MED16: variants seen among roughly 807,000 people sequenced by gnomAD.
MED16 encodes mediator of RNA polymerase II transcription subunit 16.
Under a neutral mutation model 84.4 loss-of-function variants are expected in MED16, and 81 were observed. The observed-to-expected ratio is 0.96, with a 90% confidence interval of 0.80 to 1.15. MED16 has a LOEUF of 1.15. Ranked by LOEUF, MED16 falls within the 50% of genes most tolerant of loss-of-function variation. The pLI is 0.00. For missense variants in MED16, 1,585 were observed against 1,245.9 expected (o/e 1.27, Z -4.10); for synonymous variants, 897 against 552.2 (o/e 1.62, Z -8.76).
chr19:891,141 C>A lies in MED16; in HGVS notation c.-10G>T. On this transcript the variant is annotated 5_prime_UTR_variant, in exon 2 of 16. Transcript: ENST00000325464. ...GCCGCAAATCACACATGAGGGCAGT[C>A]ACCAGCTCCTGCGGGAGGGAGGTGT... is the stretch of plus-strand genomic sequence containing the variant. 2 of 1,608,812 alleles carry A rather than the reference C, an allele frequency of 1.2e-6. No homozygotes were observed. Among genetic ancestry groups the A allele is most frequent in the South Asian group, 2.2e-5 (2 of 90,472 alleles).
chr19:871,713 T>C (rs2036063578), intron 12 of MED16: 2 of 1,246,970 alleles, frequency 1.6e-6, no homozygotes, highest in African/African-American at 1.8e-5. Flanking sequence ...TGCAGGGGCT[T>C]ATGTTCTGGC....
intron 6 of MED16, among the ~76,000 whole-genome samples, chr19:884,084 GCGCCTGCCC>G (rs1250493387): frequency 6.6e-6 from 1 of 152,158 alleles, no homozygotes; most frequent in African/African-American, 2.4e-5. Flanking sequence ...CTTCTGAGGA[GCGCCTGCCC>G]CACCTGCCCC....
intron 5 of MED16, 152 bp downstream of exon 5, chr19:885,618 G>C: frequency 2.2e-6 from 2 of 905,742 alleles, no homozygotes; most frequent in Non-Finnish European, 3.2e-6. Context: ...GGCAGAAAAT[G>C]GGTTCTCCCC....
rs1364934648 is a variant in MED16 at position 889,778 on chromosome 19, C to G, written c.307G>C (p.Gly103Arg). 6.2e-7 allele frequency: 1 copy of G among 1,612,742 alleles called. No individual in the cohort carries two copies. Among genetic ancestry groups the G allele is most frequent in the African/African-American group, 1.3e-5 (1 of 75,030 alleles). The change falls in exon 4 of 16, where the codon GGG becomes CGG. Residue 103 changes from glycine to arginine, a missense_variant. Gly to Arg is a moderately radical substitution (Grantham distance 125). Coordinates refer to ENST00000325464, the MANE Select transcript of MED16 (RefSeq NM_005481.3). ...GCCATGCTCCAGCACTTGATCTGCC[C>G]GTCGGCATCTGCTGACAGGAGCCGG... ...GSRLLSADAD[G>R]QIKCWSMADH...
intron 2 of MED16, chr19:890,456 A>T (rs1599347097): frequency 2.2e-6 from 1 of 462,494 alleles, no homozygotes; most frequent in Non-Finnish European, 3.8e-6. Context: ...CTTTAAAACC[A>T]GATTAGAAGA....
At chr19:891,426 G>T (rs930584991) in intron 1 of MED16, among the ~76,000 whole-genome samples, 22 of 152,218 alleles carry the variant, frequency 1.4e-4, no homozygotes, top group Admixed American at 1.4e-3. Context: ...GGCTGTCTAG[G>T]GAACAGACCA....
chr19:868,255 C>G lies in MED16; in HGVS notation c.2484-4G>C. On this transcript the variant is annotated splice_polypyrimidine_tract_variant and splice_region_variant and intron_variant, in intron 15 of 15. Transcript: ENST00000325464. ...CGGCCCACGGCCTTCAACAGCCCTG[C>G]AGGGCGGGCTGAGGTTAACCGCGCC... 6.3e-7 allele frequency: 1 copy of G among 1,593,244 alleles called. No homozygotes were observed. The highest frequency in any genetic ancestry group is 8.5e-7 in the Non-Finnish European group (1 of 1,170,940).
chr19:887,631 A>C (rs2145250472), intron 4 of MED16, among the ~76,000 whole-genome samples: 1 of 152,224 alleles, frequency 6.6e-6, no homozygotes, highest in South Asian at 2.1e-4. Context: ...GCACCACTGC[A>C]CTCCAGCCCG....
chr19:877,792 AGCCCCACG>A (rs1568325815), intron 8 of MED16, among the ~76,000 whole-genome samples: 1 of 59,108 alleles, frequency 1.7e-5, no homozygotes, highest in African/African-American at 6.9e-5. Flanking sequence ...CCCCAGCCCC[AGCCCCACG>A]TGCCCCAGCA....
chr19:880,352 C>T (rs973895711), intron 7 of MED16, among the ~76,000 whole-genome samples: 5 of 152,260 alleles, frequency 3.3e-5, no homozygotes, highest in African/African-American at 1.2e-4. Flanking sequence ...CAGGAGCCAG[C>T]AGCCTTGGCC....
intron 9 of MED16, 103 bp from the exon 10 acceptor site, chr19:875,557 G>A: frequency 1.1e-6 from 1 of 910,012 alleles, no homozygotes; most frequent in Non-Finnish European, 1.6e-6. Context: ...CAGGCGCTCG[G>A]TCAGCTGGGC....
At chr19:868,986 C>T in intron 13 of MED16, 40 bp from the exon 14 acceptor site, 2 of 1,497,752 alleles carry the variant, frequency 1.3e-6, no homozygotes, top group East Asian at 5.0e-5. Flanking sequence ...GCCTGGGCAC[C>T]ACGAGGCCAG....
chr19:888,918 G>C (rs2036576893), intron 4 of MED16, among the ~76,000 whole-genome samples: 1 of 152,182 alleles, frequency 6.6e-6, no homozygotes, highest in African/African-American at 2.4e-5. Context: ...CACGAAGCTG[G>C]GGTGGCTGTG....
chr19:884,761 C>A (rs2036491148), intron 6 of MED16, 142 bp downstream of exon 6: 2 of 661,124 alleles, frequency 3.0e-6, no homozygotes, highest in Admixed American at 4.7e-5. Flanking sequence ...GATCCTAGCA[C>A]TACTGGAGAT....
At chr19:871,706 A>T in intron 12 of MED16, 1 of 1,229,110 alleles carries the variant, frequency 8.1e-7, no homozygotes, top group South Asian at 1.2e-5. Flanking sequence ...TGCCACCTGC[A>T]GGGGCTTATG....
intron 2 of MED16, 193 bp from the exon 3 acceptor site, chr19:890,437 C>T (rs56234931): frequency 0.041 from 19,677 of 480,952 alleles, 535 homozygotes; most frequent in Middle Eastern, 0.072. Flanking sequence ...TGAGGCGCCA[C>T]AACTGTGTCT....
rs1026270415 is a variant in MED16, at chr19:872,601, G to A, written c.1906-483C>T. 8.6e-5 allele frequency among the ~76,000 whole-genome samples: 13 copies of A among 151,730 alleles called. No individual in the cohort carries two copies. The East Asian group carries it at 2.0e-3, about 23-fold the overall frequency. ...GCGGGCCCCAGGGCAGGATGAAGCC[G>A]GGTGGGTGGGGCAGAAGAAATCACA... On this transcript the variant is annotated intron_variant, in intron 11 of 15. Coordinates refer to ENST00000325464, the MANE Select transcript of MED16 (RefSeq NM_005481.3).
At chr19:872,757 G>A (rs2036112363) in intron 11 of MED16, among the ~76,000 whole-genome samples, 1 of 151,842 alleles carries the variant, frequency 6.6e-6, no homozygotes, top group Admixed American at 6.6e-5. Context: ...CCCACCCCAG[G>A]CGCAGGGAGC....
At chr19:880,883 C>T (rs906167288) in intron 7 of MED16, among the ~76,000 whole-genome samples, 8 of 151,542 alleles carry the variant, frequency 5.3e-5, no homozygotes, top group African/African-American at 1.9e-4. Context: ...CGAGATCACA[C>T]CACTGCACTC....
Sources: allele counts gnomAD v4.1 joint callset (sites outside exome capture counted in the v4.1 genomes callset), GRCh38; gene constraint gnomAD v4.1.1; transcripts MANE v1.5; gene names NCBI Gene and HGNC (gene_info 2026-07-23, HGNC 2026-07-21).